FBXL13: variants seen among roughly 807,000 people sequenced by gnomAD.
FBXL13 encodes the protein F-box and leucine rich repeat protein 13.
Under a neutral mutation model 83.6 loss-of-function variants are expected in FBXL13, and 67 were observed. The ratio of observed to expected loss-of-function variants is 0.80; its 90% CI spans 0.66 to 0.98. The LOEUF is 0.98. FBXL13 is among the 50% of genes least tolerant of loss of function. FBXL13 has a pLI of 0.00. For missense variants in FBXL13, 822 were observed against 866.5 expected (o/e 0.95, Z 0.64); for synonymous variants, 272 against 299.5 (o/e 0.91, Z 0.95).
chr7:102,902,284 G>A (rs954666259), intron 11 of FBXL13, among the ~76,000 whole-genome samples: 5 of 152,026 alleles, frequency 3.3e-5, no homozygotes, highest in Non-Finnish European at 7.4e-5. Flanking sequence ...AGAACTATTA[G>A]AATTTTTCCT....
At chr7:102,995,102 T>C (rs1001104092) in intron 6 of FBXL13, among the ~76,000 whole-genome samples, 3 of 152,106 alleles carry the variant, frequency 2.0e-5, no homozygotes, top group African/African-American at 7.2e-5. Context: ...GTTTGAGCAC[T>C]CTGGTAGACT....
At chr7:102,826,720 G>GTC (rs199892377) in intron 18 of FBXL13, among the ~76,000 whole-genome samples, 736 of 71,652 alleles carry the variant, frequency 0.01, 33 homozygotes, top group African/African-American at 0.032. Flanking sequence ...GTGAGACCCT[G>GTC]TCTCATATAT....
chr7:103,045,312 T>A (rs1796162848), intron 2 of FBXL13, among the ~76,000 whole-genome samples: 1 of 152,194 alleles, frequency 6.6e-6, no homozygotes, highest in Admixed American at 6.5e-5. Context: ...TGTCTATCTA[T>A]TAAGCTAGGT....
chr7:103,058,630 T>C (rs1797568202), intron 1 of FBXL13, among the ~76,000 whole-genome samples: 1 of 152,164 alleles, frequency 6.6e-6, no homozygotes, highest in Non-Finnish European at 1.5e-5. Context: ...CCTGAGGACA[T>C]CTATATCAGA....
intron 19 of FBXL13, among the ~76,000 whole-genome samples, chr7:102,820,621 C>T (rs187444744): frequency 6.6e-6 from 1 of 152,184 alleles, no homozygotes. Context: ...TTTTGTGTTG[C>T]CATAACAGAC....
At chr7:103,008,829 A>G (rs1351222320) in intron 6 of FBXL13, among the ~76,000 whole-genome samples, 1 of 152,212 alleles carries the variant, frequency 6.6e-6, no homozygotes, top group Non-Finnish European at 1.5e-5. Context: ...AAGTGCTGGG[A>G]TTACAGGCGT....
intron 17 of FBXL13, among the ~76,000 whole-genome samples, chr7:102,850,139 T>C (rs1012147097): frequency 6.6e-6 from 1 of 152,226 alleles, no homozygotes. Flanking sequence ...AGAACTCAGC[T>C]GTATGGTCAT....
chr7:102,888,290 G>A (rs745908884), intron 11 of FBXL13, among the ~76,000 whole-genome samples: 5 of 152,228 alleles, frequency 3.3e-5, no homozygotes, highest in Non-Finnish European at 5.9e-5. Flanking sequence ...TGTAATCCCA[G>A]CACTTTGGGA....
At chr7:102,939,488 CA>C in intron 8 of FBXL13, 1 of 1,613,794 alleles carries the variant, frequency 6.2e-7, no homozygotes, top group Non-Finnish European at 8.5e-7. Flanking sequence ...ACTTGTCATA[CA>C]ATAAAATCAA....
At chr7:102,968,047 GTCA>G in exon 7 of FBXL13, 1 of 1,613,596 alleles carries the variant, frequency 6.2e-7, no homozygotes, top group Non-Finnish European at 8.5e-7. Context: ...GTTTAGTTGT[GTCA>G]TCAACATCCA....
chr7:102,876,393 C>T (rs1414902465), intron 16 of FBXL13, among the ~76,000 whole-genome samples: 1 of 152,126 alleles, frequency 6.6e-6, no homozygotes, highest in Non-Finnish European at 1.5e-5. Context: ...GTACTGCTTC[C>T]TACCCACAAT....
intron 6 of FBXL13, 59 bp from the exon 8 acceptor site, chr7:102,968,176 A>G: frequency 8.5e-7 from 1 of 1,183,102 alleles, no homozygotes; most frequent in Non-Finnish European, 1.2e-6. Flanking sequence ...TAACTTGTCC[A>G]CTTACCTTTT....
At chr7:102,933,923 G>T (rs1345942363) in intron 8 of FBXL13, 1 of 1,604,442 alleles carries the variant, frequency 6.2e-7, no homozygotes. Flanking sequence ...GATGCGTGTG[G>T]TTACCATTGT....
chr7:102,894,000 GAAAGA>G (rs1474525986), intron 11 of FBXL13, among the ~76,000 whole-genome samples: 1 of 149,078 alleles, frequency 6.7e-6, no homozygotes, highest in African/African-American at 2.4e-5. Context: ...AAAGAAAGAG[GAAAGA>G]AAAGAAAGAG....
intron 6 of FBXL13, among the ~76,000 whole-genome samples, chr7:102,986,857 T>C (rs1829019475): frequency 2.0e-5 from 3 of 151,500 alleles, no homozygotes; most frequent in South Asian, 2.1e-4. Context: ...TAATTCACAA[T>C]TGCAAAGATA....
intron 1 of FBXL13, among the ~76,000 whole-genome samples, chr7:103,066,640 G>A (rs1352527114): frequency 2.0e-5 from 3 of 151,944 alleles, no homozygotes; most frequent in Admixed American, 6.6e-5. Context: ...TGATCCACCC[G>A]CCTCAGCCTC....
intron 14 of FBXL13, among the ~76,000 whole-genome samples, chr7:102,881,013 A>G (rs1461355062): frequency 6.6e-6 from 1 of 152,196 alleles, no homozygotes; most frequent in African/African-American, 2.4e-5. Context: ...AGGGGATTCA[A>G]GGCTACTGGA....
At chr7:102,976,857 T>C (rs1473814654) in intron 6 of FBXL13, among the ~76,000 whole-genome samples, 1 of 152,228 alleles carries the variant, frequency 6.6e-6, no homozygotes, top group Admixed American at 6.5e-5. Context: ...GACCTCAGGC[T>C]TATTAACCAA....
intron 2 of FBXL13, among the ~76,000 whole-genome samples, chr7:103,045,794 G>T (rs1262372752): frequency 6.6e-6 from 1 of 152,142 alleles, no homozygotes; most frequent in African/African-American, 2.4e-5. Context: ...TTTTGGTCAG[G>T]TTCTCACTTA....
Sources: gnomAD v4.1 joint callset for allele counts (sites outside exome capture counted in the v4.1 genomes callset) on GRCh38, gnomAD v4.1.1 for gene constraint, MANE v1.5 for transcripts, NCBI Gene and HGNC (gene_info 2026-07-23, HGNC 2026-07-21) for gene names.